Variants in RAB11FIP3 observed in about 807,000 individuals in gnomAD.
RAB11FIP3 encodes the protein RAB11 family interacting protein 3.
A neutral mutation model predicts 77.8 loss-of-function variants in RAB11FIP3; 17 were observed. The ratio of observed to expected loss-of-function variants is 0.22; its 90% CI spans 0.15 to 0.33. The LOEUF (loss-of-function observed/expected upper bound fraction) is 0.33, where lower values mean the gene tolerates loss of function less well. Ranked by LOEUF, RAB11FIP3 falls within the 10% of genes least tolerant of loss-of-function variation. The probability of loss-of-function intolerance (pLI) is 1.00; values close to 1 mark genes in which losing one functional copy is unlikely to be tolerated. For missense variants in RAB11FIP3, 1,005 were observed against 1,011.2 expected, an observed-to-expected ratio of 0.99 and a Z score of 0.08; for synonymous variants, 437 against 448.2, an observed-to-expected ratio of 0.98 and a Z score of 0.31.
At position 520,156 on chromosome 16, in the gene RAB11FIP3, T is replaced by C; in HGVS notation, c.1895T>C (p.Leu632Pro). The C allele has an allele frequency of 6.5e-7, 1 of 1,546,642 alleles. No homozygotes were observed. The highest frequency in any genetic ancestry group is 8.7e-7 in the Non-Finnish European group (1 of 1,147,934). The part of the protein sequence containing the change: ...IEDLRKQLEH[L>P]QLLKLEAEQR... ...GACCTCCGAAAGCAGCTGGAGCACC[T>C]GCAGCTCCTCAAGCTGGAGGCCGAG... The change falls in exon 12 of 14, where the codon CTG (leucine) becomes CCG (proline). Residue 632 changes from leucine (L) to proline (P), a missense_variant. By Grantham distance (98) the Leu-to-Pro change is moderately conservative. Transcript: ENST00000262305.
Position 508,659 on chromosome 16 carries a change from C to G in RAB11FIP3, c.1500-2001C>G, listed in dbSNP as rs1287800750. ...AAAGTGCTGGGATTACAGGCATGAG[C>G]CACCGCGCCTGGCCTAGGTTTTCAG... On this transcript the variant is annotated intron_variant, in intron 8 of 13. Coordinates refer to ENST00000262305, the MANE Select transcript of RAB11FIP3 (RefSeq NM_014700.4). Among the ~76,000 whole-genome samples the G allele has an allele frequency of 2.6e-5, 4 of 152,300 alleles. No homozygotes were observed. The East Asian group carries it at 7.7e-4, about 29-fold the overall frequency.
At chr16:430,338 A>G (rs551560680) in intron 1 of RAB11FIP3, among the ~76,000 whole-genome samples, 4 of 152,250 alleles carry the variant, frequency 2.6e-5, no homozygotes, top group South Asian at 2.1e-4. Context: ...TGTAATTTAC[A>G]TGTTATTTTT....
chr16:462,477 C>T (rs918659355), intron 2 of RAB11FIP3, among the ~76,000 whole-genome samples: 16 of 152,202 alleles, frequency 1.1e-4, no homozygotes, highest in South Asian at 2.1e-4. Flanking sequence ...TCAGGTGATC[C>T]GCCTGCCTCA....
In RAB11FIP3 at chr16:481,060, C is replaced by T. The variant is rs147279221; in HGVS notation, c.904-1465C>T. 1.7e-4 allele frequency among the ~76,000 whole-genome samples: 9 copies of T among 54,022 alleles called. 2 individuals carry two copies. Among genetic ancestry groups the T allele is most frequent in the African/African-American group, 3.6e-4 (9 of 24,822 alleles). 35.4% of individuals were successfully genotyped at this position (54,022 alleles called of 152,430 possible). ...CCAACCTCAGGTGATCCTTCTGCCT[C>T]GGCCTCCCAAAGTGCTGGGATTACA... On this transcript the variant is annotated intron_variant, in intron 3 of 13. Coordinates refer to ENST00000262305, the MANE Select transcript of RAB11FIP3 (RefSeq NM_014700.4).
Position 442,748 on chromosome 16 carries a change from C to T in RAB11FIP3, c.714+16028C>T, listed in dbSNP as rs571887920. ...AGCTCCACCCTGTTGCTTTAGCAGGCGGCCTTTGACCAATTAAGAGAGCAG... is the reference window on the plus strand; with the variant it reads ...AGCTCCACCCTGTTGCTTTAGCAGGTGGCCTTTGACCAATTAAGAGAGCAG... On this transcript the variant is annotated intron_variant, in intron 1 of 13. Coordinates refer to ENST00000262305, the MANE Select transcript of RAB11FIP3 (RefSeq NM_014700.4). 1.7e-4 allele frequency among the ~76,000 whole-genome samples: 26 copies of T among 152,270 alleles called. No homozygotes were observed. The East Asian group carries it at 4.4e-3, about 26-fold the overall frequency.
intron 3 of RAB11FIP3, among the ~76,000 whole-genome samples, chr16:478,838 T>C (rs1276153490): frequency 6.6e-6 from 1 of 152,034 alleles, no homozygotes; most frequent in Non-Finnish European, 1.5e-5. Context: ...CAGTGGTGCA[T>C]GCCTGTAATC....
intron 9 of RAB11FIP3, among the ~76,000 whole-genome samples, chr16:512,534 C>G (rs971820033): frequency 8.2e-5 from 12 of 146,722 alleles, no homozygotes; most frequent in African/African-American, 2.8e-4. Flanking sequence ...GCCATCGCGC[C>G]CGGCCTTTTT....
At chr16:427,138 TC>T (rs1016897394) in intron 1 of RAB11FIP3, among the ~76,000 whole-genome samples, 6 of 152,312 alleles carry the variant, frequency 3.9e-5, no homozygotes, top group African/African-American at 1.2e-4. Context: ...TCACCCAAGT[TC>T]TAGCCGCAGA....
At chr16:443,527 G>A (rs2055259787) in intron 1 of RAB11FIP3, among the ~76,000 whole-genome samples, 1 of 152,088 alleles carries the variant, frequency 6.6e-6, no homozygotes, top group Non-Finnish European at 1.5e-5. Context: ...ACCACCTCTC[G>A]ATATCAGTAC....
At chr16:432,109 G>T (rs981353399) in intron 1 of RAB11FIP3, among the ~76,000 whole-genome samples, 2 of 152,040 alleles carry the variant, frequency 1.3e-5, no homozygotes, top group Non-Finnish European at 2.9e-5. Flanking sequence ...CTGGCCTGGC[G>T]CGGTAACTCA....
chr16:433,781 G>A (rs969720657), intron 1 of RAB11FIP3, among the ~76,000 whole-genome samples: 1 of 151,734 alleles, frequency 6.6e-6, no homozygotes, highest in African/African-American at 2.4e-5. Flanking sequence ...GCGTGAACCT[G>A]GGAGGTGGAG....
intron 3 of RAB11FIP3, chr16:482,302 C>A: frequency 1.5e-6 from 1 of 686,370 alleles, no homozygotes; most frequent in Non-Finnish European, 2.7e-6. Flanking sequence ...GCGATCCACC[C>A]ACCGAGGCCT....
rs558452078 is a variant in RAB11FIP3 at position 509,143 on chromosome 16, A to T, written c.1500-1517A>T. Among the ~76,000 whole-genome samples, 361 of 152,320 alleles carry T rather than the reference A, an allele frequency of 2.4e-3. 6 individuals are homozygous for T. Among genetic ancestry groups the T allele is most frequent in the African/African-American group, 8.3e-3 (347 of 41,580 alleles). ...GGTCTCGAACTCCTGATCTCAGGTGATCTGCCCGCCTCTGCCTCCCAGAGT... is the reference window on the plus strand; with the variant it reads ...GGTCTCGAACTCCTGATCTCAGGTGTTCTGCCCGCCTCTGCCTCCCAGAGT... On this transcript the variant is annotated intron_variant, in intron 8 of 13. Transcript: ENST00000262305.
At position 507,463 on chromosome 16, in the gene RAB11FIP3, T is replaced by A. The variant is rs2031929576; in HGVS notation, c.1499+1836T>A. ...GGTCTTGCCATGTTGCCCATGCTGG[T>A]CTCAAACGCCTGGCCTCAAGCGATC... On this transcript the variant is annotated intron_variant, in intron 8 of 13. Transcript: ENST00000262305. This position sits in a 1 kb window ranked among gnomAD's most constrained non-coding sequence, Gnocchi z 4.6. 6.6e-6 allele frequency among the ~76,000 whole-genome samples: 1 copy of A among 152,080 alleles called. No individual in the cohort carries two copies. The highest frequency in any genetic ancestry group is 1.5e-5 in the Non-Finnish European group (1 of 68,020).
At chr16:484,583 C>T (rs1230363490) in intron 4 of RAB11FIP3, among the ~76,000 whole-genome samples, 1 of 152,200 alleles carries the variant, frequency 6.6e-6, no homozygotes, top group Non-Finnish European at 1.5e-5. Flanking sequence ...CAACCCCTGG[C>T]CTCAGGCGAT....
intron 1 of RAB11FIP3, among the ~76,000 whole-genome samples, chr16:438,705 T>C (rs1261321856): frequency 1.3e-5 from 2 of 151,222 alleles, no homozygotes; most frequent in Non-Finnish European, 2.9e-5. Context: ...TTTTTTTTTT[T>C]CCTGAGATGG....
chr16:425,745 T>C lies in RAB11FIP3; in HGVS notation c.-262T>C, dbSNP rs1294901820. The C allele has an allele frequency of 9.5e-6, 3 of 316,022 alleles. No individual in the cohort carries two copies. Among genetic ancestry groups the C allele is most frequent in the Non-Finnish European group, 1.7e-5 (3 of 174,558 alleles). 19.6% of individuals were successfully genotyped at this position (316,022 alleles called of 1,614,324 possible). A position where few individuals can be genotyped will look rare whatever the true frequency, so the allele number is the denominator to read the frequency against. On this transcript the variant is annotated 5_prime_UTR_variant, in exon 1 of 14. Coordinates refer to ENST00000262305, the MANE Select transcript of RAB11FIP3 (RefSeq NM_014700.4). The stretch of plus-strand genomic sequence containing the variant: ...CCTCCTCGGCCCCCGTCCCCCGCCA[T>C]CCGCCGCCCGGATCCTCGCCGCCCT...
chr16:488,512 G>T (rs929153280), intron 4 of RAB11FIP3, among the ~76,000 whole-genome samples: 1 of 152,014 alleles, frequency 6.6e-6, no homozygotes, highest in African/African-American at 2.4e-5. Context: ...AGGCTCAAGC[G>T]ATCTTCCCAC....
At chr16:451,928 T>G (rs917767340) in intron 1 of RAB11FIP3, among the ~76,000 whole-genome samples, 10 of 152,234 alleles carry the variant, frequency 6.6e-5, no homozygotes, top group African/African-American at 2.2e-4. Flanking sequence ...GGCGGTGGAT[T>G]GCCTGAGGTC....
Sources: allele counts gnomAD v4.1 joint callset (sites outside exome capture counted in the v4.1 genomes callset), GRCh38; gene constraint gnomAD v4.1.1; non-coding constraint Gnocchi (gnomAD v3.1); transcripts MANE v1.5; gene names NCBI Gene and HGNC (gene_info 2026-07-23, HGNC 2026-07-21).